NAALADL2: variants seen among roughly 807,000 people sequenced by gnomAD.
The protein encoded by NAALADL2 is inactive N-acetylated-alpha-linked acidic dipeptidase-like protein 2.
Under a neutral mutation model 87.2 loss-of-function variants are expected in NAALADL2, and 76 were observed. That is an observed-to-expected ratio of 0.87 (90% CI 0.72 to 1.05). The LOEUF is 1.05. Ranked by LOEUF, NAALADL2 falls within the 50% of genes least tolerant of loss-of-function variation. The pLI is 0.00. For synonymous variants in NAALADL2, 354 were observed against 331.0 expected (o/e 1.07, Z -0.75); for missense variants, 1,089 against 945.8 (o/e 1.15, Z -1.99).
intron 13 of NAALADL2, among the ~76,000 whole-genome samples, chr3:175,779,300 GC>G (rs1317506015): frequency 6.6e-6 from 1 of 152,174 alleles, no homozygotes; most frequent in Non-Finnish European, 1.5e-5. Context: ...GGCCAAAGCA[GC>G]CTATCTGGGG....
At chr3:174,501,179 C>T (rs896465077) in intron 1 of NAALADL2, among the ~76,000 whole-genome samples, 3 of 137,226 alleles carry the variant, frequency 2.2e-5, no homozygotes, top group East Asian at 2.0e-4. Context: ...CCCGGGTTCA[C>T]GCCATTCTCC....
At chr3:175,005,570 G>A (rs1270922129) in intron 1 of NAALADL2, among the ~76,000 whole-genome samples, 1 of 152,168 alleles carries the variant, frequency 6.6e-6, no homozygotes, top group Admixed American at 6.5e-5. Context: ...AATATTGTAA[G>A]GTCTGTAGTC....
chr3:174,585,436 A>G (rs983615663), intron 2 of NAALADL2, among the ~76,000 whole-genome samples: 6 of 152,244 alleles, frequency 3.9e-5, no homozygotes, highest in African/African-American at 7.2e-5. Context: ...CGAGAGCAAG[A>G]GAACAATGTT....
At chr3:174,971,203 T>C (rs1013009336) in intron 1 of NAALADL2, among the ~76,000 whole-genome samples, 3 of 152,186 alleles carry the variant, frequency 2.0e-5, no homozygotes, top group Non-Finnish European at 4.4e-5. Flanking sequence ...GTGGGAATTC[T>C]GGGAGATACA....
chr3:175,285,404 A>G (rs1021859371), intron 4 of NAALADL2, among the ~76,000 whole-genome samples: 1 of 152,144 alleles, frequency 6.6e-6, no homozygotes, highest in East Asian at 1.9e-4. Flanking sequence ...AAGTAAAACA[A>G]TACTGTGATA....
At chr3:174,812,420 C>T (rs1487140539) in intron 3 of NAALADL2, among the ~76,000 whole-genome samples, 2 of 151,980 alleles carry the variant, frequency 1.3e-5, no homozygotes, top group African/African-American at 4.8e-5. Context: ...GTTAGTCATA[C>T]CAAAGTATAT....
chr3:175,492,569 C>T (rs1728254031), intron 9 of NAALADL2, among the ~76,000 whole-genome samples: 1 of 152,050 alleles, frequency 6.6e-6, no homozygotes, highest in Non-Finnish European at 1.5e-5. Context: ...GGAAACAGTA[C>T]CCGGAGCGAA....
chr3:174,604,624 T>TTGTGTGTG (rs142243487), intron 2 of NAALADL2, among the ~76,000 whole-genome samples: 3 of 150,746 alleles, frequency 2.0e-5, no homozygotes, highest in South Asian at 2.1e-4. Context: ...TCATTTTCTG[T>TTGTGTGTG]TGTGTGTGTG....
intron 1 of NAALADL2, among the ~76,000 whole-genome samples, chr3:174,527,799 G>C (rs1260640071): frequency 6.6e-6 from 1 of 152,014 alleles, no homozygotes; most frequent in Admixed American, 6.6e-5. Context: ...TTATGTTCTG[G>C]GATTTCAGGG....
chr3:175,503,118 T>G (rs1318926049), intron 9 of NAALADL2, among the ~76,000 whole-genome samples: 1 of 152,062 alleles, frequency 6.6e-6, no homozygotes, highest in African/African-American at 2.4e-5. Context: ...GTGTCTATTG[T>G]TTCCTTCTGT....
chr3:174,734,098 G>T (rs925757878), intron 2 of NAALADL2, among the ~76,000 whole-genome samples: 4 of 152,092 alleles, frequency 2.6e-5, no homozygotes, highest in Admixed American at 6.5e-5. Context: ...TGTTGAGGGG[G>T]AGCAGAAACC....
chr3:175,641,064 A>C (rs1582738485), intron 11 of NAALADL2, among the ~76,000 whole-genome samples: 1 of 152,146 alleles, frequency 6.6e-6, no homozygotes, highest in African/African-American at 2.4e-5. Flanking sequence ...TCATTGCTCA[A>C]ATGTTCAAAT....
At chr3:175,350,581 A>G (rs558408742) in intron 5 of NAALADL2, among the ~76,000 whole-genome samples, 13 of 152,274 alleles carry the variant, frequency 8.5e-5, no homozygotes, top group Non-Finnish European at 1.5e-4. Context: ...ACCTTTGTGT[A>G]TTGTACCCAC....
At chr3:175,737,714 GTTTTTTTTTTTTTT>G (rs71164650) in intron 12 of NAALADL2, among the ~76,000 whole-genome samples, 5 of 54,738 alleles carry the variant, frequency 9.1e-5, no homozygotes, top group African/African-American at 1.6e-4. Flanking sequence ...CAATGATCCA[GTTTTTTTTTTTTTT>G]TTTTTTTTTT....
intron 3 of NAALADL2, among the ~76,000 whole-genome samples, chr3:174,747,404 T>G (rs1182085765): frequency 6.6e-6 from 1 of 150,960 alleles, no homozygotes; most frequent in Non-Finnish European, 1.5e-5. Context: ...GTCAGAATGG[T>G]GATTATTAAA....
chr3:175,147,743 C>T lies in NAALADL2; in HGVS notation c.545+50452C>T, dbSNP rs1275429986. On this transcript the variant is annotated intron_variant, in intron 2 of 13. Coordinates refer to ENST00000454872, the MANE Select transcript of NAALADL2 (RefSeq NM_207015.3). ...AAACATTCCCTTTTCTCTGCAGCCT[C>T]GTCAGCATCTGTTGTTTCTTGACTT... Among the ~76,000 whole-genome samples the T allele has an allele frequency of 5.3e-5, 8 of 152,062 alleles. No individual in the cohort carries two copies. In the East Asian group the frequency reaches 1.2e-3, roughly 22 times the overall value.
intron 1 of NAALADL2, among the ~76,000 whole-genome samples, chr3:174,942,568 A>G (rs1227788847): frequency 6.6e-6 from 1 of 152,064 alleles, no homozygotes; most frequent in Non-Finnish European, 1.5e-5. Context: ...CCTGAATCTG[A>G]CTGTTGGGCT....
chr3:175,020,036 A>C (rs1464499037), intron 1 of NAALADL2, among the ~76,000 whole-genome samples: 1 of 152,086 alleles, frequency 6.6e-6, no homozygotes, highest in Non-Finnish European at 1.5e-5. Context: ...TGTTACACAT[A>C]ATAAGCACAC....
chr3:175,176,811 A>G (rs1214426556), intron 2 of NAALADL2, among the ~76,000 whole-genome samples: 1 of 152,100 alleles, frequency 6.6e-6, no homozygotes, highest in Non-Finnish European at 1.5e-5. Context: ...ATTTTCCTGC[A>G]GAGCTTCCTG....
Sources: gnomAD v4.1 joint callset for allele counts (sites outside exome capture counted in the v4.1 genomes callset) on GRCh38, gnomAD v4.1.1 for gene constraint, MANE v1.5 for transcripts, NCBI Gene and HGNC (gene_info 2026-07-23, HGNC 2026-07-21) for gene names.